Variants in CLVS1 observed in about 807,000 individuals in gnomAD.
CLVS1 encodes clavesin-1.
CLVS1 carries 10 observed loss-of-function variants against 33.1 expected under a neutral mutation model. The observed-to-expected ratio is 0.30, with a 90% CI of 0.19 to 0.51. The LOEUF (loss-of-function observed/expected upper bound fraction) is 0.51. Among genes scored for constraint, CLVS1 ranks in the 20% least tolerant of loss-of-function variants. The pLI, the probability that CLVS1 is intolerant of heterozygous loss-of-function variation, is 0.97. For missense variants in CLVS1, 343 were observed against 433.4 expected (o/e 0.79, Z 1.85); for synonymous variants, 163 against 166.1 (o/e 0.98, Z 0.14).
chr8:61,331,686 A>G (rs1336486401), intron 2 of CLVS1, among the ~76,000 whole-genome samples: 1 of 152,140 alleles, frequency 6.6e-6, no homozygotes, highest in African/African-American at 2.4e-5. Context: ...ATGGTTGTCA[A>G]TAACATCCTA....
At chr8:61,411,621 C>G (rs1403130247) in intron 3 of CLVS1, among the ~76,000 whole-genome samples, 1 of 152,188 alleles carries the variant, frequency 6.6e-6, no homozygotes, top group African/African-American at 2.4e-5. Context: ...AGCATTTTCT[C>G]TGTGGGTACT....
chr8:61,442,692 C>T (rs531405477), intron 3 of CLVS1, among the ~76,000 whole-genome samples: 2 of 152,192 alleles, frequency 1.3e-5, no homozygotes, highest in South Asian at 2.1e-4. Context: ...CTCCACCTCC[C>T]GGATTCAAGT....
the CLVS1 span, among the ~76,000 whole-genome samples, chr8:61,044,278 G>A: frequency 6.6e-6 from 1 of 152,170 alleles, no homozygotes; most frequent in African/African-American, 2.4e-5. Flanking sequence ...GCAGAGTGCT[G>A]TATGCCACGT....
intron 1 of CLVS1, chr8:61,292,138 TCA>T: frequency 3.5e-6 from 1 of 288,346 alleles, no homozygotes; most frequent in Non-Finnish European, 7.1e-6. Context: ...TTTAATATTC[TCA>T]CTTTTACGTC....
chr8:61,401,895 T>G (rs1338942400), intron 3 of CLVS1, among the ~76,000 whole-genome samples: 1 of 152,160 alleles, frequency 6.6e-6, no homozygotes, highest in African/African-American at 2.4e-5. Flanking sequence ...TGGCTTAAGC[T>G]CCCCTCTTAT....
intron 2 of CLVS1, among the ~76,000 whole-genome samples, chr8:61,173,438 G>A (rs997280801): frequency 6.6e-6 from 1 of 152,126 alleles, no homozygotes; most frequent in Non-Finnish European, 1.5e-5. Flanking sequence ...TGTGAACTTA[G>A]ATCATCTATT....
At chr8:61,198,667 A>G (rs1807666537) in intron 2 of CLVS1, among the ~76,000 whole-genome samples, 1 of 152,190 alleles carries the variant, frequency 6.6e-6, no homozygotes. Context: ...GGCGTGAGCC[A>G]CTTATCTCAT....
chr8:61,340,189 G>T (rs1281055918), intron 2 of CLVS1, among the ~76,000 whole-genome samples: 1 of 152,234 alleles, frequency 6.6e-6, no homozygotes, highest in Non-Finnish European at 1.5e-5. Context: ...CCTCGCACAT[G>T]TAGTTTTTAT....
chr8:61,357,494 CTTTTTTTTTTTTTTTT>C (rs1167743712), intron 2 of CLVS1, among the ~76,000 whole-genome samples: 1 of 25,804 alleles, frequency 3.9e-5, no homozygotes, highest in East Asian at 1.2e-3. Context: ...TTTTTCTTTT[CTTTTTTTTTTTTTTTT>C]TTTTTTTTTT....
rs139060594 is a variant in CLVS1, at chr8:61,169,306, C to A, written c.-152+37446C>A. On this transcript the variant is annotated intron_variant, in intron 2 of 2. Coordinates refer to the CLVS1 transcript ENST00000522621. ...CAGAACCAAAGACTTTTTAACCTTA[C>A]CTTTTTGTGCCCACCAAGCACAGGG... is the stretch of plus-strand genomic sequence containing the variant. 2.6e-5 allele frequency among the ~76,000 whole-genome samples: 4 copies of A among 152,256 alleles called. No homozygotes were observed. In the East Asian group the frequency reaches 7.7e-4, roughly 29 times the overall value.
At chr8:61,406,261 A>G (rs1039534126) in intron 3 of CLVS1, among the ~76,000 whole-genome samples, 3 of 152,206 alleles carry the variant, frequency 2.0e-5, no homozygotes, top group Non-Finnish European at 4.4e-5. Flanking sequence ...CAACCATTCA[A>G]TACATTCCTC....
intron 3 of CLVS1, among the ~76,000 whole-genome samples, chr8:61,398,152 G>A (rs1585913461): frequency 7.4e-6 from 1 of 135,726 alleles, no homozygotes; most frequent in Non-Finnish European, 1.6e-5. Context: ...ATTTAATAAT[G>A]TTTTATACTG....
chr8:61,105,758 TGAACA>T (rs1329540105), intron 1 of CLVS1, among the ~76,000 whole-genome samples: 2 of 147,996 alleles, frequency 1.4e-5, no homozygotes, highest in Non-Finnish European at 3.0e-5. Context: ...AGGAGGTCTC[TGAACA>T]TTTTTTTTTT....
intron 2 of CLVS1, among the ~76,000 whole-genome samples, chr8:61,365,749 T>C (rs1174815540): frequency 7.2e-6 from 1 of 139,526 alleles, no homozygotes; most frequent in Non-Finnish European, 1.6e-5. Flanking sequence ...GATGCCAGTT[T>C]ACAGGGTGTG....
chr8:60,970,389 C>A, the CLVS1 span, among the ~76,000 whole-genome samples: 4 of 152,178 alleles, frequency 2.6e-5, no homozygotes, highest in African/African-American at 9.6e-5. Flanking sequence ...TGTGTTGAAG[C>A]CTGTTTCCTG....
intron 1 of CLVS1, among the ~76,000 whole-genome samples, chr8:61,130,682 A>G (rs967773617): frequency 6.6e-6 from 1 of 152,230 alleles, no homozygotes; most frequent in Non-Finnish European, 1.5e-5. Context: ...TTAGTGACAG[A>G]AGGCAAATGT....
intron 2 of CLVS1, among the ~76,000 whole-genome samples, chr8:61,155,601 G>A (rs1456082735): frequency 3.3e-5 from 5 of 151,928 alleles, no homozygotes; most frequent in African/African-American, 1.2e-4. Flanking sequence ...GGAAACCACG[G>A]TACTTAACCC....
intron 1 of CLVS1, among the ~76,000 whole-genome samples, chr8:61,121,072 G>A (rs1264905169): frequency 1.3e-5 from 2 of 151,930 alleles, no homozygotes; most frequent in Non-Finnish European, 1.5e-5. Flanking sequence ...GTATAATCTC[G>A]TGGTGCGCCG....
chr8:61,245,863 G>A (rs1808795647), intron 2 of CLVS1, among the ~76,000 whole-genome samples: 1 of 151,746 alleles, frequency 6.6e-6, no homozygotes, highest in Non-Finnish European at 1.5e-5. Context: ...TGACCTGCTG[G>A]GCTCAAGGGA....
Sources: gnomAD v4.1 joint callset for allele counts (sites outside exome capture counted in the v4.1 genomes callset) on GRCh38, gnomAD v4.1.1 for gene constraint, MANE v1.5 for transcripts, NCBI Gene and HGNC (gene_info 2026-07-23, HGNC 2026-07-21) for gene names.